The following LDHAL6A variants were observed in gnomAD, a reference collection of about 807,000 sequenced individuals.
LDHAL6A encodes lactate dehydrogenase A like 6A.
LDHAL6A carries 19 observed loss-of-function variants against 28.2 expected under a neutral mutation model. The observed-to-expected ratio is 0.67, with a 90% confidence interval of 0.47 to 0.99. The LOEUF is 0.99. Among genes scored for constraint, LDHAL6A ranks in the 50% least tolerant of loss-of-function variants. LDHAL6A has a pLI of 0.00. For synonymous variants in LDHAL6A, 144 were observed against 134.4 expected (o/e 1.07, Z -0.49); for missense variants, 372 against 398.6 (o/e 0.93, Z 0.57).
At chr11:18,474,229 C>T (rs763115564) in intron 3 of LDHAL6A, among the ~76,000 whole-genome samples, 14 of 151,434 alleles carry the variant, frequency 9.2e-5, no homozygotes, top group Non-Finnish European at 1.6e-4. Flanking sequence ...CAGGTGTCCA[C>T]CACCACGCCT....
chr11:18,457,365 A>T (rs1016303219), intron 1 of LDHAL6A, among the ~76,000 whole-genome samples: 6 of 152,154 alleles, frequency 3.9e-5, no homozygotes, highest in African/African-American at 1.4e-4. Flanking sequence ...TTCTAAGAAT[A>T]TTACCCTGAT....
chr11:18,476,495 T>C lies in LDHAL6A; in HGVS notation c.704T>C (p.Ile235Thr). The change falls in exon 5 of 7, where the codon ATT becomes ACT. Residue 235 changes from isoleucine to threonine, a missense_variant. Around this residue, in one of 3 missense-constraint regions of LDHAL6A, gnomAD observed 291 missense variants for 302.9 expected, o/e 0.96. Coordinates refer to ENST00000280706, the MANE Select transcript of LDHAL6A (RefSeq NM_144972.5). ...TGGGAAAATGTCCACAAAAAAGTGA[T>C]TTCCAGGTAATATGCTAGTTTCACA... ...EQWENVHKKV[I>T]SSGYEMVKMK... is the part of the protein sequence containing the mutation. 1 of 1,613,584 alleles carries C rather than the reference T, an allele frequency of 6.2e-7. No individual in the cohort carries two copies.
At chr11:18,465,858 C>T (rs1321510253) in intron 3 of LDHAL6A, 48 bp downstream of exon 3, 2 of 1,441,648 alleles carry the variant, frequency 1.4e-6, no homozygotes, top group Non-Finnish European at 1.9e-6. Context: ...CGGGGGTACA[C>T]TGTGTAGGTT....
At chr11:18,464,626 A>G (rs1849001050) in intron 2 of LDHAL6A, among the ~76,000 whole-genome samples, 1 of 151,984 alleles carries the variant, frequency 6.6e-6, no homozygotes. Context: ...GAGGCAGGAG[A>G]ATCGCTTGAA....
chr11:18,459,564 C>T (rs1375178775), intron 1 of LDHAL6A, among the ~76,000 whole-genome samples: 1 of 152,124 alleles, frequency 6.6e-6, no homozygotes, highest in Admixed American at 6.6e-5. Context: ...CCTTTCATAT[C>T]GACATCTATC....
chr11:18,475,866 T>C (rs1166178385), intron 4 of LDHAL6A: 1 of 461,508 alleles, frequency 2.2e-6, no homozygotes, highest in African/African-American at 2.0e-5. Context: ...TGGCTAGGAT[T>C]ATAACGCTTT....
chr11:18,459,552 T>C (rs1250579019), intron 1 of LDHAL6A, among the ~76,000 whole-genome samples: 1 of 152,168 alleles, frequency 6.6e-6, no homozygotes, highest in South Asian at 2.1e-4. Flanking sequence ...CTTAGTAAAC[T>C]CCCTTTCATA....
Position 18,467,903 on chromosome 11 carries a change from A to G in LDHAL6A, c.418+2093A>G, listed in dbSNP as rs1203156765. Among the ~76,000 whole-genome samples, 116 of 73,550 alleles carry G rather than the reference A, an allele frequency of 1.6e-3. 9 individuals carry two copies. The highest frequency in any genetic ancestry group is 6.7e-3 in the African/African-American group (96 of 14,428). The allele number at this position is 73,550 out of a possible 152,430, so 48.3% of individuals were successfully genotyped here. A position where few individuals can be genotyped will look rare whatever the true frequency, so the allele number is the denominator to read the frequency against. On this transcript the variant is annotated intron_variant, in intron 3 of 6. Coordinates refer to ENST00000280706, the MANE Select transcript of LDHAL6A (RefSeq NM_144972.5). ...CACATATATATATATATATATATAT[A>G]TATATATATATATATACACACACAT...
intron 2 of LDHAL6A, among the ~76,000 whole-genome samples, chr11:18,464,978 T>TTTG (rs1565068684): frequency 2.7e-3 from 12 of 4,486 alleles, no homozygotes; most frequent in African/African-American, 6.2e-3. Context: ...GTTTTTTTTG[T>TTTG]TTTTTTTTGT....
chr11:18,458,164 A>G (rs773950991), intron 1 of LDHAL6A, among the ~76,000 whole-genome samples: 1 of 152,096 alleles, frequency 6.6e-6, no homozygotes, highest in Non-Finnish European at 1.5e-5. Context: ...TCCAGGGCCC[A>G]GGATAGGGCA....
chr11:18,467,984 T>C (rs1565071469), intron 3 of LDHAL6A, among the ~76,000 whole-genome samples: 5 of 45,224 alleles, frequency 1.1e-4, no homozygotes, highest in African/African-American at 4.8e-4. Context: ...TATATACGTA[T>C]ATATATGCAT....
intron 3 of LDHAL6A, among the ~76,000 whole-genome samples, chr11:18,472,435 T>TA (rs1205001398): frequency 6.6e-6 from 1 of 152,200 alleles, no homozygotes; most frequent in African/African-American, 2.4e-5. Flanking sequence ...ATGGAAATAT[T>TA]ACCTGTTTAG....
At position 18,465,819 on chromosome 11, in the gene LDHAL6A, TG is replaced by T; in HGVS notation, c.418+10del. On this transcript the variant is annotated intron_variant, in intron 3 of 6. Transcript: ENST00000280706. Reference sequence around the variant, plus strand: ...TATTGTTACTAATCCAGGTCAGCTTTGTTGTTTTAAATTTTCAACTTTTAGA... The same window carrying T: ...TATTGTTACTAATCCAGGTCAGCTTTTTGTTTTAAATTTTCAACTTTTAGA... 3 of 1,607,842 alleles carry T rather than the reference TG, an allele frequency of 1.9e-6. No individual in the cohort carries two copies. Among genetic ancestry groups the T allele is most frequent in the South Asian group, 2.2e-5 (2 of 90,378 alleles).
At chr11:18,466,611 G>A (rs373111775) in intron 3 of LDHAL6A, among the ~76,000 whole-genome samples, 43 of 141,664 alleles carry the variant, frequency 3.0e-4, no homozygotes, top group Admixed American at 1.8e-3. Flanking sequence ...CCATGATTGC[G>A]CCACTGCACT....
rs1362184550 is a variant in LDHAL6A, at chr11:18,467,926, C to CACACATATATATATATATATACACACAT, written c.418+2117_418+2118insCACATATATATATATATATACACACATA. Among the ~76,000 whole-genome samples, 18 of 55,450 alleles carry CACACATATATATATATATATACACACAT rather than the reference C, an allele frequency of 3.2e-4. 1 individual carries two copies. Among genetic ancestry groups the CACACATATATATATATATATACACACAT allele is most frequent in the African/African-American group, 1.5e-3 (16 of 10,404 alleles). 36.4% of individuals were successfully genotyped at this position (55,450 alleles called of 152,430 possible). On this transcript the variant is annotated intron_variant, in intron 3 of 6. Coordinates refer to ENST00000280706, the MANE Select transcript of LDHAL6A (RefSeq NM_144972.5). ...ATATATATATATATATATACACACACATATATATATACACACACATATATA... is the reference window on the plus strand; with the variant it reads ...ATATATATATATATATATACACACACACACATATATATATATATATACACACATATATATATATACACACACATATATA...
Position 18,468,035 on chromosome 11 carries a change from A to G in LDHAL6A, c.418+2225A>G, listed in dbSNP as rs562337261. 2.9e-3 allele frequency among the ~76,000 whole-genome samples: 43 copies of G among 14,986 alleles called. 1 individual carries two copies. Among genetic ancestry groups the G allele is most frequent in the African/African-American group, 6.4e-3 (41 of 6,412 alleles). The allele number at this position is 14,986 out of a possible 152,430, so 9.8% of individuals were successfully genotyped here. On this transcript the variant is annotated intron_variant, in intron 3 of 6. Coordinates refer to ENST00000280706, the MANE Select transcript of LDHAL6A (RefSeq NM_144972.5). ...TATACATATATATACGTATATATAT[A>G]TACATATATATACGTATATATATAT...
chr11:18,478,509 G>A (rs1042138728), intron 6 of LDHAL6A, among the ~76,000 whole-genome samples, 197 bp from the exon 7 acceptor site: 3 of 152,056 alleles, frequency 2.0e-5, no homozygotes, highest in African/African-American at 7.2e-5. Context: ...GCAGTGAGCC[G>A]AGATCGTGCC....
intron 2 of LDHAL6A, among the ~76,000 whole-genome samples, chr11:18,464,977 G>GTTTTTTTGTTTTTTTTTTTTTTTTTTTTT: frequency 8.0e-6 from 1 of 125,564 alleles, no homozygotes; most frequent in East Asian, 2.0e-4. Flanking sequence ...TGTTTTTTTT[G>GTTTTTTTGTTTTTTTTTTTTTTTTTTTTT]TTTTTTTTTG....
chr11:18,463,652 C>T (rs1385883145), intron 1 of LDHAL6A, among the ~76,000 whole-genome samples: 1 of 152,186 alleles, frequency 6.6e-6, no homozygotes, highest in Non-Finnish European at 1.5e-5. Context: ...AGAAGCACTA[C>T]TTTATCACTG....
Sources: gnomAD v4.1 joint callset for allele counts (sites outside exome capture counted in the v4.1 genomes callset) on GRCh38, gnomAD v4.1.1 for gene constraint, gnomAD v4.1.1 regional missense constraint, MANE v1.5 for transcripts, NCBI Gene and HGNC (gene_info 2026-07-23, HGNC 2026-07-21) for gene names.